The following SNX29 variants were observed in gnomAD, a reference collection of about 807,000 sequenced individuals.
SNX29 encodes the protein sorting nexin 29.
A neutral mutation model predicts 102.1 loss-of-function variants in SNX29; 78 were observed. The ratio of observed to expected loss-of-function variants is 0.76; its 90% confidence interval spans 0.64 to 0.92. The LOEUF (loss-of-function observed/expected upper bound fraction) is 0.92, where lower values mean the gene tolerates loss of function less well. SNX29 is among the 40% of genes least tolerant of loss of function. SNX29 has a pLI of 0.00. For synonymous variants in SNX29, 580 were observed against 414.5 expected (o/e 1.40, Z -4.85); for missense variants, 1,280 against 1,061.7 (o/e 1.21, Z -2.86).
chr16:12,116,716 A>G (rs866805663), intron 11 of SNX29, among the ~76,000 whole-genome samples: 1 of 152,170 alleles, frequency 6.6e-6, no homozygotes, highest in Non-Finnish European at 1.5e-5. Context: ...TTCAACGTGG[A>G]TGAACTGTGG....
intron 15 of SNX29, among the ~76,000 whole-genome samples, chr16:12,317,367 G>C (rs1300377959): frequency 6.6e-6 from 1 of 152,124 alleles, no homozygotes; most frequent in Non-Finnish European, 1.5e-5. Flanking sequence ...TCTCTGTCTT[G>C]GCTCTTCCGT....
intron 15 of SNX29, among the ~76,000 whole-genome samples, chr16:12,297,997 C>T (rs940006144): frequency 6.6e-6 from 1 of 152,186 alleles, no homozygotes; most frequent in Non-Finnish European, 1.5e-5. Flanking sequence ...TGGCAAAAGC[C>T]TGTCTCTACT....
intron 20 of SNX29, among the ~76,000 whole-genome samples, chr16:12,532,103 C>T (rs1418148291): frequency 6.6e-6 from 1 of 152,194 alleles, no homozygotes; most frequent in Non-Finnish European, 1.5e-5. Flanking sequence ...GAGACGTGGT[C>T]ACGATCTCAT....
intron 1 of SNX29, 146 bp downstream of exon 1, chr16:11,976,959 A>G (rs1368192404): frequency 5.1e-5 from 56 of 1,087,616 alleles, no homozygotes; most frequent in Non-Finnish European, 6.3e-5. Context: ...CCTGGCCCCC[A>G]GGACTCCCGG....
chr16:12,149,046 C>G (rs1450384710), intron 13 of SNX29, among the ~76,000 whole-genome samples: 1 of 152,276 alleles, frequency 6.6e-6, no homozygotes, highest in Non-Finnish European at 1.5e-5. Flanking sequence ...TCCAAGGAGC[C>G]TGGACAATGC....
At chr16:12,168,268 G>T (rs1477545073) in intron 13 of SNX29, among the ~76,000 whole-genome samples, 1 of 152,208 alleles carries the variant, frequency 6.6e-6, no homozygotes, top group East Asian at 1.9e-4. Flanking sequence ...GAGCAGATGA[G>T]GGTGGAGGGA....
At chr16:12,416,239 A>G (rs143799771) in intron 18 of SNX29, among the ~76,000 whole-genome samples, 1 of 151,820 alleles carries the variant, frequency 6.6e-6, no homozygotes, top group East Asian at 2.0e-4. Context: ...TGCCCCTCAA[A>G]TGCACTTAGC....
intron 18 of SNX29, among the ~76,000 whole-genome samples, chr16:12,437,031 TGAAAG>T (rs2085569926): frequency 6.6e-6 from 1 of 152,238 alleles, no homozygotes; most frequent in Non-Finnish European, 1.5e-5. Context: ...TCTGAATACA[TGAAAG>T]GAAAGTAGCA....
chr16:12,511,244 C>G (rs1192808236), intron 19 of SNX29, among the ~76,000 whole-genome samples: 2 of 152,122 alleles, frequency 1.3e-5, no homozygotes, highest in Non-Finnish European at 2.9e-5. Flanking sequence ...ATGCATGGGT[C>G]TTAAGAGGCA....
chr16:12,556,309 T>G (rs1212463624), intron 20 of SNX29: 1 of 152,212 alleles, frequency 6.6e-6, no homozygotes, highest in African/African-American at 2.4e-5. Flanking sequence ...ATTGGTCTGC[T>G]ATAGACGAGC....
At chr16:12,540,400 G>A (rs960029707) in intron 20 of SNX29, among the ~76,000 whole-genome samples, 4 of 152,316 alleles carry the variant, frequency 2.6e-5, no homozygotes, top group South Asian at 2.1e-4. Flanking sequence ...CACAAAGTTA[G>A]TGGCTAAAAA....
chr16:12,564,893 G>A (rs894301817), intron 20 of SNX29, among the ~76,000 whole-genome samples: 3 of 151,056 alleles, frequency 2.0e-5, no homozygotes, highest in Non-Finnish European at 4.4e-5. Flanking sequence ...ATCCTGTGGG[G>A]AGGAGGCATC....
chr16:11,989,875 G>A (rs528115592), intron 1 of SNX29, among the ~76,000 whole-genome samples: 4 of 152,368 alleles, frequency 2.6e-5, no homozygotes, highest in African/African-American at 7.2e-5. Flanking sequence ...GGGAACGTTT[G>A]AGTCAGCCAT....
intron 18 of SNX29, among the ~76,000 whole-genome samples, chr16:12,436,426 C>A (rs1239066219): frequency 6.6e-6 from 1 of 152,226 alleles, no homozygotes; most frequent in Non-Finnish European, 1.5e-5. Context: ...TGTGCTGCTG[C>A]CTGGTGGAGT....
chr16:12,037,062 G>C (rs1440225160), intron 4 of SNX29, among the ~76,000 whole-genome samples: 3 of 152,024 alleles, frequency 2.0e-5, no homozygotes, highest in Non-Finnish European at 4.4e-5. Flanking sequence ...GTGGAAAATG[G>C]CCCCAAGTAG....
intron 20 of SNX29, among the ~76,000 whole-genome samples, chr16:12,539,224 G>C (rs1014015580): frequency 6.6e-6 from 1 of 152,124 alleles, no homozygotes; most frequent in Non-Finnish European, 1.5e-5. Flanking sequence ...TCAAGATATA[G>C]ACCAGTTCCT....
chr16:12,032,697 A>T lies in SNX29; in HGVS notation c.247+5253A>T, dbSNP rs190885361. ...TTTGGGGCATACACCCAGAAGGACA[A>T]TGTTGGATCATATGATAATTCTATG... On this transcript the variant is annotated intron_variant, in intron 4 of 20. Transcript: ENST00000566228. 1.7e-4 allele frequency among the ~76,000 whole-genome samples: 26 copies of T among 152,148 alleles called. No homozygotes were observed. The East Asian group carries it at 2.1e-3, about 12-fold the overall frequency.
intron 1 of SNX29, among the ~76,000 whole-genome samples, chr16:11,993,841 C>T (rs2150995827): frequency 6.6e-6 from 1 of 152,288 alleles, no homozygotes; most frequent in Non-Finnish European, 1.5e-5. Flanking sequence ...AAGACAAAGG[C>T]CGGGCGCGGT....
At chr16:12,203,219 C>T (rs2076958556) in intron 14 of SNX29, among the ~76,000 whole-genome samples, 2 of 150,970 alleles carry the variant, frequency 1.3e-5, no homozygotes, top group South Asian at 4.2e-4. Context: ...TATAGCGTGG[C>T]CCCACTCTCG....
Sources: gnomAD v4.1 joint callset for allele counts (sites outside exome capture counted in the v4.1 genomes callset) on GRCh38, gnomAD v4.1.1 for gene constraint, MANE v1.5 for transcripts, NCBI Gene and HGNC (gene_info 2026-07-23, HGNC 2026-07-21) for gene names.